Variants in COL5A1 observed in about 807,000 individuals in gnomAD.
COL5A1 encodes the protein collagen type V alpha 1 chain.
Under a neutral mutation model 263.7 loss-of-function variants are expected in COL5A1, and 16 were observed. The observed-to-expected ratio is 0.06, with a 90% CI of 0.04 to 0.09. The LOEUF (loss-of-function observed/expected upper bound fraction) is 0.09. Ranked by LOEUF, COL5A1 falls within the 10% of genes least tolerant of loss-of-function variation. The pLI, the probability that COL5A1 is intolerant of heterozygous loss-of-function variation, is 1.00. For synonymous variants in COL5A1, 1,012 were observed against 1,004.5 expected (o/e 1.01, Z -0.14); for missense variants, 2,036 against 2,540.5 (o/e 0.80, Z 4.27).
At chr9:134,692,012 C>T (rs1833302337) in intron 2 of COL5A1, among the ~76,000 whole-genome samples, 1 of 152,230 alleles carries the variant, frequency 6.6e-6, no homozygotes, top group African/African-American at 2.4e-5. Flanking sequence ...GGGGCTGTTT[C>T]TGCTTCCACA....
chr9:134,679,961 C>T lies in COL5A1; in HGVS notation c.110-10951C>T, dbSNP rs746838265. 2.0e-4 allele frequency among the ~76,000 whole-genome samples: 30 copies of T among 152,000 alleles called. 1 individual carries two copies. The highest frequency in any genetic ancestry group is 1.2e-3 in the East Asian group (6 of 5,154). On this transcript the variant is annotated intron_variant, in intron 1 of 65. Transcript: ENST00000371817. ...GTTTAGGATCCAAGTCAGTCCACCC[C>T]GGGAGTGGGGTGGTGCCGGGTCAGG... is the stretch of plus-strand genomic sequence containing the variant.
chr9:134,661,004 C>A (rs1284057893), intron 1 of COL5A1, among the ~76,000 whole-genome samples: 1 of 152,000 alleles, frequency 6.6e-6, no homozygotes, highest in Non-Finnish European at 1.5e-5. Context: ...AAGCTGTGAA[C>A]CATGCACCTG....
At chr9:134,793,385 G>T (rs569862694) in intron 32 of COL5A1, among the ~76,000 whole-genome samples, 1 of 44,034 alleles carries the variant, frequency 2.3e-5, no homozygotes, top group East Asian at 2.0e-3. Flanking sequence ...TAAGGAGGCT[G>T]GGGGGGGCAT....
chr9:134,696,482 T>G lies in COL5A1; in HGVS notation c.278-3427T>G, dbSNP rs1158133067. Among the ~76,000 whole-genome samples the G allele has an allele frequency of 6.6e-6, 1 of 152,052 alleles. No homozygotes were observed. The highest frequency in any genetic ancestry group is 1.5e-5 in the Non-Finnish European group (1 of 68,018). ...ATGAACCACCTCGCCCAGCCTGCAA[T>G]TATTTAACTAACTGGTTTGGTTTGA... On this transcript the variant is annotated intron_variant, in intron 2 of 65. Transcript: ENST00000371817. The surrounding 1 kb of genome is among the most constrained non-coding windows in gnomAD (Gnocchi z 4.3).
chr9:134,812,646 T>G lies in COL5A1; in HGVS notation c.3786T>G (p.Ala1262=), dbSNP rs1233949819. 6 of 1,598,990 alleles carry G rather than the reference T, an allele frequency of 3.8e-6. No individual in the cohort carries two copies. The highest frequency in any genetic ancestry group is 1.8e-5 in the Admixed American group (1 of 56,866). ...CTGGCCCCCGAGGACCCTCCGGAGC[T>G]CCAGGTGCTGATGGCCCACAAGGTC... is the stretch of plus-strand genomic sequence containing the variant. ...GPPGPRGPSG[A]PGADGPQGPP... is the part of the protein sequence containing the mutation. Residue 1262 remains alanine (A), a synonymous_variant, in exon 48 of 66, where the codon GCT becomes GCG. Coordinates refer to ENST00000371817, the MANE Select transcript of COL5A1 (RefSeq NM_000093.5).
chr9:134,752,419 C>CA lies in COL5A1; in HGVS notation c.1663-170_1663-169insA, dbSNP rs1554792424. 0.17 allele frequency among the ~76,000 whole-genome samples: 23,176 copies of CA among 140,390 alleles called. 2,103 individuals carry two copies. The highest frequency in any genetic ancestry group is 0.36 in the East Asian group (1,719 of 4,804). 92.1% of individuals were successfully genotyped at this position (140,390 alleles called of 152,430 possible). On this transcript the variant is annotated intron_variant, in intron 13 of 65. Transcript: ENST00000371817. ...TGGATGCTGAGAGCCCCATCGAAGT[C>CA]GGGGGGGGGGGGCCCTTGGGGAGTC...
Position 134,765,862 on chromosome 9 carries a change from C to A in COL5A1, c.2088+128C>A. The stretch of plus-strand genomic sequence containing the variant: ...GGCCCCTCTGGCGCCTGCCTGCTGC[C>A]AGTGTGAGGCGTGAGCGGGACACTG... On this transcript the variant is annotated intron_variant, in intron 21 of 65. Transcript: ENST00000371817. This position sits in a 1 kb window ranked among gnomAD's most constrained non-coding sequence, Gnocchi z 5.1. The A allele has an allele frequency of 1.4e-6, 1 of 729,098 alleles. No individual in the cohort carries two copies. Among genetic ancestry groups the A allele is most frequent in the Non-Finnish European group, 2.3e-6 (1 of 434,550 alleles). 45.2% of individuals were successfully genotyped at this position (729,098 alleles called of 1,614,324 possible).
At chr9:134,773,091 C>CCCATGACCGGATCGGGTGT (rs1261941270) in intron 26 of COL5A1, among the ~76,000 whole-genome samples, 7 of 152,352 alleles carry the variant, frequency 4.6e-5, no homozygotes, top group African/African-American at 1.7e-4. Context: ...GGATCGGGTG[C>CCCATGACCGGATCGGGTGT]CCATGACCAG....
Position 134,681,354 on chromosome 9 carries a change from G to A in COL5A1, c.110-9558G>A, listed in dbSNP as rs926284921. 3.3e-5 allele frequency among the ~76,000 whole-genome samples: 5 copies of A among 152,234 alleles called. No individual in the cohort carries two copies. The highest frequency in any genetic ancestry group is 7.2e-5 in the African/African-American group (3 of 41,466). On this transcript the variant is annotated intron_variant, in intron 1 of 65. Coordinates refer to ENST00000371817, the MANE Select transcript of COL5A1 (RefSeq NM_000093.5). The surrounding 1 kb of genome is among the most constrained non-coding windows in gnomAD (Gnocchi z 4.3). Reference sequence around the variant, plus strand: ...ACAAACAGAGCAAATTGATGGCTTCGTGAACAATTTCTGCGAGCATCTGCG... The same window carrying A: ...ACAAACAGAGCAAATTGATGGCTTCATGAACAATTTCTGCGAGCATCTGCG...
chr9:134,669,428 T>C (rs1039471125), intron 1 of COL5A1, among the ~76,000 whole-genome samples: 5 of 151,792 alleles, frequency 3.3e-5, no homozygotes, highest in African/African-American at 1.2e-4. Context: ...CTGTCCATGA[T>C]TTTGTCATAG....
intron 1 of COL5A1, among the ~76,000 whole-genome samples, chr9:134,672,287 A>G (rs1226309222): frequency 6.6e-6 from 1 of 152,254 alleles, no homozygotes; most frequent in African/African-American, 2.4e-5. Context: ...ATAAAAAAGA[A>G]GATGAAAATG....
intron 11 of COL5A1, among the ~76,000 whole-genome samples, chr9:134,747,690 AAC>A (rs370814845): frequency 5.0e-3 from 597 of 118,704 alleles, no homozygotes; most frequent in African/African-American, 0.011. Flanking sequence ...CACACATGCA[AAC>A]ACATGCACAC....
chr9:134,728,195 G>A (rs1464054990), intron 5 of COL5A1, among the ~76,000 whole-genome samples: 2 of 152,224 alleles, frequency 1.3e-5, no homozygotes, highest in African/African-American at 4.8e-5. Flanking sequence ...CTGCTGCCCC[G>A]GCCTCCTGCC....
chr9:134,805,239 C>G, intron 41 of COL5A1, 25 bp downstream of exon 41: 1 of 1,613,322 alleles, frequency 6.2e-7, no homozygotes, highest in Non-Finnish European at 8.5e-7. Flanking sequence ...TTGTCCCATC[C>G]TCTTTCTTGA....
chr9:134,800,747 A>T, intron 37 of COL5A1, among the ~76,000 whole-genome samples: 1 of 127,502 alleles, frequency 7.8e-6, no homozygotes. Context: ...CTCTGTCTCA[A>T]ACAAAAAAAA....
intron 11 of COL5A1, among the ~76,000 whole-genome samples, chr9:134,749,225 ACT>A (rs996045300): frequency 3.4e-4 from 51 of 152,064 alleles, no homozygotes; most frequent in African/African-American, 1.2e-3. Context: ...ACAGAGTGAG[ACT>A]CTGTCTCAAA....
intron 50 of COL5A1, 38 bp from the exon 51 acceptor site, chr9:134,815,538 C>T (rs750849789): frequency 1.2e-6 from 2 of 1,605,298 alleles, no homozygotes; most frequent in African/African-American, 2.7e-5. Context: ...AGTCAGGTTG[C>T]TGATGGCCTT....
At position 134,677,712 on chromosome 9, in the gene COL5A1, C is replaced by A. The variant is rs535805843; in HGVS notation, c.110-13200C>A. 1.3e-5 allele frequency among the ~76,000 whole-genome samples: 2 copies of A among 152,224 alleles called. No individual in the cohort carries two copies. Among genetic ancestry groups the A allele is most frequent in the Non-Finnish European group, 2.9e-5 (2 of 68,044 alleles). On this transcript the variant is annotated intron_variant, in intron 1 of 65. Coordinates refer to ENST00000371817, the MANE Select transcript of COL5A1 (RefSeq NM_000093.5). The surrounding 1 kb of genome is among the most constrained non-coding windows in gnomAD (Gnocchi z 4.4). ...TCCATCCCTCCATCCTTTCTCAGTC[C>A]GGCCATCTTACTCCCTGTTCCTCCT...
chr9:134,681,423 C>A lies in COL5A1; in HGVS notation c.110-9489C>A, dbSNP rs1462693262. The stretch of plus-strand genomic sequence containing the variant: ...GCCCCTGCCCTCCTGCAGTTCACAG[C>A]CCGTGGAGGAGACACACGCTGCCCA... On this transcript the variant is annotated intron_variant, in intron 1 of 65. Transcript: ENST00000371817. The surrounding 1 kb of genome is among the most constrained non-coding windows in gnomAD (Gnocchi z 4.3). Among the ~76,000 whole-genome samples, 1 of 152,244 alleles carries A rather than the reference C, an allele frequency of 6.6e-6. No individual in the cohort carries two copies. The highest frequency in any genetic ancestry group is 2.4e-5 in the African/African-American group (1 of 41,472).
Sources: allele counts gnomAD v4.1 joint callset (sites outside exome capture counted in the v4.1 genomes callset), GRCh38; gene constraint gnomAD v4.1.1; non-coding constraint Gnocchi (gnomAD v3.1); transcripts MANE v1.5; gene names NCBI Gene and HGNC (gene_info 2026-07-23, HGNC 2026-07-21).